PDE4B: variants seen among roughly 807,000 people sequenced by gnomAD.
PDE4B encodes 3',5'-cyclic-AMP phosphodiesterase 4B.
A neutral mutation model predicts 82.2 loss-of-function variants in PDE4B; 20 were observed. The ratio of observed to expected loss-of-function variants is 0.24; its 90% CI spans 0.17 to 0.35. PDE4B has a LOEUF of 0.35. PDE4B is among the 10% of genes least tolerant of loss of function. The pLI is 1.00. For missense variants in PDE4B, 655 were observed against 907.2 expected (o/e 0.72, Z 3.57); for synonymous variants, 320 against 318.9 (o/e 1.00, Z -0.04).
At chr1:65,932,121 G>A (rs970426183) in intron 3 of PDE4B, among the ~76,000 whole-genome samples, 1 of 151,736 alleles carries the variant, frequency 6.6e-6, no homozygotes, top group African/African-American at 2.4e-5. Context: ...CTTGTTTTGG[G>A]GTACTTATGG....
chr1:66,007,809 A>G (rs555904521), intron 3 of PDE4B, among the ~76,000 whole-genome samples: 244 of 152,316 alleles, frequency 1.6e-3, no homozygotes, highest in African/African-American at 5.7e-3. Flanking sequence ...TTCTTATATC[A>G]TTTAGTCTTC....
chr1:66,281,376 G>C (rs1454414622), intron 7 of PDE4B, among the ~76,000 whole-genome samples: 1 of 152,204 alleles, frequency 6.6e-6, no homozygotes, highest in African/African-American at 2.4e-5. Context: ...CAGTGAGTGG[G>C]AATTATAGGA....
intron 16 of PDE4B, among the ~76,000 whole-genome samples, chr1:66,372,072 A>G (rs945830940): frequency 2.6e-5 from 4 of 152,222 alleles, no homozygotes; most frequent in Non-Finnish European, 5.9e-5. Context: ...AATCTCAATA[A>G]GTCGTAGTTT....
intron 1 of PDE4B, among the ~76,000 whole-genome samples, chr1:65,839,097 A>G (rs547467635): frequency 6.6e-6 from 1 of 151,740 alleles, no homozygotes; most frequent in Non-Finnish European, 1.5e-5. Flanking sequence ...GGATTTGGAA[A>G]TACTTAGACT....
At position 66,005,139 on chromosome 1, in the gene PDE4B, A is replaced by C. The variant is rs148149852; in HGVS notation, c.281+86304A>C. ...TATATGTAAAGAGCATCCCATTAAT[A>C]AATATTATCAAATACCATACACATT... On this transcript the variant is annotated intron_variant, in intron 3 of 16. Coordinates refer to ENST00000341517, the MANE Select transcript of PDE4B (RefSeq NM_002600.4). Among the ~76,000 whole-genome samples the C allele has an allele frequency of 3.1e-4, 47 of 152,178 alleles. 1 individual carries two copies. The highest frequency in any genetic ancestry group is 1.1e-3 in the African/African-American group (44 of 41,542).
chr1:66,098,275 C>G (rs1645155871), intron 3 of PDE4B, among the ~76,000 whole-genome samples: 1 of 152,076 alleles, frequency 6.6e-6, no homozygotes, highest in Non-Finnish European at 1.5e-5. Flanking sequence ...AGCCATTTGG[C>G]CTTCCATAAA....
intron 9 of PDE4B, chr1:66,360,833 T>C (rs1457533817): frequency 1.3e-5 from 2 of 152,162 alleles, no homozygotes; most frequent in Non-Finnish European, 2.9e-5. Flanking sequence ...GTTACCTTGT[T>C]GTAACATAAT....
intron 3 of PDE4B, among the ~76,000 whole-genome samples, chr1:66,028,764 C>T (rs1653594955): frequency 1.3e-5 from 2 of 152,160 alleles, no homozygotes; most frequent in Admixed American, 6.5e-5. Context: ...TTTGTTAAAA[C>T]ATAACAAGAG....
intron 3 of PDE4B, among the ~76,000 whole-genome samples, chr1:65,924,723 C>T (rs1647406997): frequency 6.6e-6 from 1 of 152,214 alleles, no homozygotes; most frequent in African/African-American, 2.4e-5. Flanking sequence ...CTGCTTCCAA[C>T]CTGATCAACA....
At position 65,911,655 on chromosome 1, in the gene PDE4B, G is replaced by C. The variant is rs567012885; in HGVS notation, c.-70-1590G>C. ...GAGTAAAAGTATTAAAATTCTGCCT[G>C]CTGCTGTTTGGTCAGCATTAGAGGG... On this transcript the variant is annotated intron_variant, in intron 1 of 16. Transcript: ENST00000341517. 2.1e-4 allele frequency among the ~76,000 whole-genome samples: 32 copies of C among 152,144 alleles called. 2 individuals are homozygous for C. The highest frequency in any genetic ancestry group is 2.1e-3 in the Admixed American group (32 of 15,280).
intron 2 of PDE4B, among the ~76,000 whole-genome samples, chr1:65,915,425 T>C (rs1038458288): frequency 6.6e-6 from 1 of 152,218 alleles, no homozygotes; most frequent in African/African-American, 2.4e-5. Flanking sequence ...AATTATGTCC[T>C]GTGGTCCAAA....
intron 7 of PDE4B, among the ~76,000 whole-genome samples, chr1:66,286,713 C>G (rs762172726): frequency 1.3e-5 from 2 of 152,244 alleles, no homozygotes; most frequent in Admixed American, 1.3e-4. Context: ...CAGGACTCTT[C>G]GTTCTGGAGG....
Position 65,921,247 on chromosome 1 carries a change from T to C in PDE4B, c.281+2412T>C, listed in dbSNP as rs181797055. ...CCTCCCAAAGTGCTGGGATTACAGG[T>C]GTGAGCCACCGCGCCCGGCCCTAAA... On this transcript the variant is annotated intron_variant, in intron 3 of 16. Coordinates refer to ENST00000341517, the MANE Select transcript of PDE4B (RefSeq NM_002600.4). 7.0e-3 allele frequency among the ~76,000 whole-genome samples: 1,067 copies of C among 152,058 alleles called. 13 individuals carry two copies. The highest frequency in any genetic ancestry group is 0.023 in the African/African-American group (971 of 41,470).
At chr1:66,159,522 T>C (rs1422234801) in intron 3 of PDE4B, among the ~76,000 whole-genome samples, 1 of 152,034 alleles carries the variant, frequency 6.6e-6, no homozygotes, top group Non-Finnish European at 1.5e-5. Context: ...ATTACAGGCA[T>C]GAGCCACCAC....
At chr1:66,073,006 C>T (rs1432314538) in intron 3 of PDE4B, among the ~76,000 whole-genome samples, 2 of 106,616 alleles carry the variant, frequency 1.9e-5, no homozygotes, top group Non-Finnish European at 3.9e-5. Flanking sequence ...TTGTATTCAG[C>T]CTTTAGCCCT....
intron 7 of PDE4B, among the ~76,000 whole-genome samples, chr1:66,325,732 C>G (rs1659705065): frequency 6.6e-6 from 1 of 152,192 alleles, no homozygotes; most frequent in East Asian, 1.9e-4. Flanking sequence ...AATCAAAACT[C>G]TGTCAATGAC....
At chr1:66,006,605 T>A (rs1652164654) in intron 3 of PDE4B, among the ~76,000 whole-genome samples, 1 of 151,986 alleles carries the variant, frequency 6.6e-6, no homozygotes, top group African/African-American at 2.4e-5. Flanking sequence ...CCAAATCTCA[T>A]CTTGAATTAT....
intron 3 of PDE4B, among the ~76,000 whole-genome samples, chr1:66,145,206 T>G (rs915714666): frequency 6.6e-6 from 1 of 152,144 alleles, no homozygotes; most frequent in African/African-American, 2.4e-5. Flanking sequence ...TAGGGTGGCA[T>G]GGTGCTTGCC....
intron 8 of PDE4B, chr1:66,354,521 G>C: frequency 9.0e-7 from 1 of 1,105,358 alleles, no homozygotes; most frequent in South Asian, 3.1e-5. Flanking sequence ...GGCCACCAGG[G>C]CTATTCATAA....
Sources: allele counts gnomAD v4.1 joint callset (sites outside exome capture counted in the v4.1 genomes callset), GRCh38; gene constraint gnomAD v4.1.1; transcripts MANE v1.5; gene names NCBI Gene and HGNC (gene_info 2026-07-23, HGNC 2026-07-21).